PRKCE: variants seen among roughly 807,000 people sequenced by gnomAD.
PRKCE encodes protein kinase C epsilon type.
A neutral mutation model predicts 85.4 loss-of-function variants in PRKCE; 16 were observed. The observed-to-expected ratio is 0.19, with a 90% CI of 0.13 to 0.28. The LOEUF is 0.28. Among genes scored for constraint, PRKCE ranks in the 10% least tolerant of loss-of-function variants. The pLI, the probability that PRKCE is intolerant of heterozygous loss-of-function variation, is 1.00. For missense variants in PRKCE, 573 were observed against 975.2 expected, an observed-to-expected ratio of 0.59 and a Z score of 5.49; for synonymous variants, 388 against 371.5, an observed-to-expected ratio of 1.04 and a Z score of -0.51.
intron 5 of PRKCE, among the ~76,000 whole-genome samples, chr2:45,981,570 C>A (rs756360340): frequency 2.6e-5 from 4 of 152,210 alleles, no homozygotes; most frequent in Non-Finnish European, 4.4e-5. Flanking sequence ...AGAGCACCAA[C>A]ATTGTTTGCA....
At chr2:46,082,426 C>T (rs1309251498) in intron 10 of PRKCE, among the ~76,000 whole-genome samples, 2 of 152,276 alleles carry the variant, frequency 1.3e-5, no homozygotes, top group East Asian at 3.9e-4. Flanking sequence ...TGAAGCTTTG[C>T]CCCGAGACCT....
intron 6 of PRKCE, among the ~76,000 whole-genome samples, chr2:45,990,598 C>T (rs977750664): frequency 6.6e-6 from 1 of 152,142 alleles, no homozygotes; most frequent in South Asian, 2.1e-4. Context: ...TCGTCTCTTA[C>T]TTCCTCTGCT....
In PRKCE at chr2:45,661,523, G is replaced by GTTT. The variant is rs367628974; in HGVS notation, c.348+9079_348+9081dup. Reference sequence around the variant, plus strand: ...TTTTTTTTGTTTTGTTTTGTTTTTTGTTTTTTGTTTTTTTTTTTTTTTTTA... The same window carrying GTTT: ...TTTTTTTTGTTTTGTTTTGTTTTTTGTTTTTTTTTGTTTTTTTTTTTTTTTTTA... On this transcript the variant is annotated intron_variant, in intron 1 of 14. Coordinates refer to ENST00000306156, the MANE Select transcript of PRKCE (RefSeq NM_005400.3). 2.7e-3 allele frequency among the ~76,000 whole-genome samples: 260 copies of GTTT among 96,606 alleles called. 20 individuals carry two copies. Among genetic ancestry groups the GTTT allele is most frequent in the Admixed American group, 3.7e-3 (27 of 7,340 alleles). The allele number at this position is 96,606 out of a possible 152,430, so 63.4% of individuals were successfully genotyped here.
At chr2:45,925,504 C>A (rs1323411423) in intron 2 of PRKCE, among the ~76,000 whole-genome samples, 1 of 152,136 alleles carries the variant, frequency 6.6e-6, no homozygotes, top group Non-Finnish European at 1.5e-5. Context: ...CCATGTTGGC[C>A]AGGGTGGTCT....
chr2:46,180,517 T>A (rs539113567), intron 14 of PRKCE, among the ~76,000 whole-genome samples: 1 of 152,262 alleles, frequency 6.6e-6, no homozygotes, highest in South Asian at 2.1e-4. Flanking sequence ...TAGTTCAGGA[T>A]TTGGAGGCAC....
chr2:45,689,901 C>CA (rs559521203), intron 1 of PRKCE, among the ~76,000 whole-genome samples: 1,696 of 81,828 alleles, frequency 0.021, 14 homozygotes, highest in African/African-American at 0.041. Flanking sequence ...GACTCCATCT[C>CA]AAAAAAAAAA....
chr2:45,812,609 A>T (rs77152799), intron 1 of PRKCE, among the ~76,000 whole-genome samples: 4,170 of 152,292 alleles, frequency 0.027, 144 homozygotes, highest in East Asian at 0.086. Context: ...ATGAGGATTA[A>T]ATTAGCTAAC....
chr2:45,941,065 T>TCAAAAAAAAAAAAAAAAAAAAAAAAAA (rs1699840419), intron 2 of PRKCE, among the ~76,000 whole-genome samples: 1 of 67,162 alleles, frequency 1.5e-5, no homozygotes, highest in African/African-American at 6.0e-5. Flanking sequence ...GACTTCATCC[T>TCAAAAAAAAAAAAAAAAAAAAAAAAAA]AAAAAAAAAA....
At chr2:45,717,988 T>C (rs910891489) in intron 1 of PRKCE, among the ~76,000 whole-genome samples, 3 of 152,396 alleles carry the variant, frequency 2.0e-5, no homozygotes, top group African/African-American at 7.2e-5. Flanking sequence ...AGCTGGTGGC[T>C]GGTTCTATAA....
intron 2 of PRKCE, among the ~76,000 whole-genome samples, chr2:45,852,482 C>T (rs953845357): frequency 2.0e-5 from 3 of 152,132 alleles, no homozygotes; most frequent in African/African-American, 4.8e-5. Flanking sequence ...CTATTGCCTG[C>T]GCAGGCACCA....
At chr2:45,817,623 A>G (rs1033824807) in intron 1 of PRKCE, among the ~76,000 whole-genome samples, 1 of 152,084 alleles carries the variant, frequency 6.6e-6, no homozygotes, top group African/African-American at 2.4e-5. Flanking sequence ...GAACCCGGAA[A>G]GCGGAGCTTG....
At chr2:45,716,690 AGAAGGAAGGAAG>A (rs750015013) in intron 1 of PRKCE, among the ~76,000 whole-genome samples, 4 of 112,426 alleles carry the variant, frequency 3.6e-5, no homozygotes, top group South Asian at 3.3e-4. Flanking sequence ...GAAGAAGAAG[AGAAGGAAGGAAG>A]GAAGGAAGGA....
At chr2:45,976,288 G>T in intron 2 of PRKCE, 141 bp from the exon 3 acceptor site, 1 of 936,612 alleles carries the variant, frequency 1.1e-6, no homozygotes. Flanking sequence ...TCAGACCCCC[G>T]AGTCCCTCCA....
intron 6 of PRKCE, among the ~76,000 whole-genome samples, chr2:45,997,176 TTAA>T (rs1262034215): frequency 1.3e-5 from 2 of 152,174 alleles, no homozygotes; most frequent in Non-Finnish European, 2.9e-5. Context: ...ATTTCTGATA[TTAA>T]TAATTTGTGT....
intron 2 of PRKCE, among the ~76,000 whole-genome samples, chr2:45,926,719 G>A (rs966728836): frequency 3.3e-5 from 5 of 152,216 alleles, no homozygotes; most frequent in South Asian, 2.1e-4. Flanking sequence ...GTGGCTAGAA[G>A]CATTCAGACA....
intron 6 of PRKCE, among the ~76,000 whole-genome samples, chr2:45,993,107 A>T (rs7558908): frequency 0.05 from 6,254 of 124,504 alleles, 321 homozygotes; most frequent in African/African-American, 0.14. Context: ...GATTGGCAGC[A>T]GGGGCTCACG....
chr2:45,865,815 CTT>C (rs36102606), intron 2 of PRKCE, among the ~76,000 whole-genome samples: 3 of 133,674 alleles, frequency 2.2e-5, no homozygotes, highest in Non-Finnish European at 3.2e-5. Context: ...TCTTCTTCTT[CTT>C]TTTTTTTTTT....
intron 10 of PRKCE, among the ~76,000 whole-genome samples, chr2:46,051,675 C>T (rs1708867059): frequency 6.6e-6 from 1 of 152,178 alleles, no homozygotes; most frequent in African/African-American, 2.4e-5. Context: ...CTTTATTCCC[C>T]CTGCTGTTTT....
At chr2:45,943,169 C>A (rs921279432) in intron 2 of PRKCE, among the ~76,000 whole-genome samples, 5 of 152,206 alleles carry the variant, frequency 3.3e-5, no homozygotes, top group Admixed American at 3.3e-4. Flanking sequence ...AGGTAATTTT[C>A]TGCTTTTGAA....
Sources: allele counts gnomAD v4.1 joint callset (sites outside exome capture counted in the v4.1 genomes callset), GRCh38; gene constraint gnomAD v4.1.1; transcripts MANE v1.5; gene names NCBI Gene and HGNC (gene_info 2026-07-23, HGNC 2026-07-21).